ATP13A5: variants seen among roughly 807,000 people sequenced by gnomAD.
ATP13A5 encodes the protein probable cation-transporting ATPase 13A5.
Under a neutral mutation model 150.2 loss-of-function variants are expected in ATP13A5, and 149 were observed. The observed-to-expected ratio is 0.99, with a 90% CI of 0.87 to 1.14. ATP13A5 has a LOEUF of 1.14. Among genes scored for constraint, ATP13A5 ranks in the 50% most tolerant of loss-of-function variants. ATP13A5 has a pLI of 0.00. For synonymous variants in ATP13A5, 497 were observed against 522.2 expected, an observed-to-expected ratio of 0.95 and a Z score of 0.66; for missense variants, 1,383 against 1,449.3, an observed-to-expected ratio of 0.95 and a Z score of 0.74.
chr3:193,293,381 C>T (rs1718042556), intron 25 of ATP13A5, among the ~76,000 whole-genome samples: 1 of 152,092 alleles, frequency 6.6e-6, no homozygotes, highest in Admixed American at 6.6e-5. Context: ...CAAAATTAAT[C>T]ATTCTCCCTT....
intron 24 of ATP13A5, 67 bp from the exon 25 acceptor site, chr3:193,299,270 C>T: frequency 3.8e-6 from 5 of 1,309,580 alleles, no homozygotes; most frequent in Non-Finnish European, 5.4e-6. Context: ...TTATTCCCTA[C>T]ACTCTTTTTA....
chr3:193,279,329 A>G (rs1262710976), intron 28 of ATP13A5, 37 bp downstream of exon 28: 1 of 1,470,510 alleles, frequency 6.8e-7, no homozygotes, highest in Non-Finnish European at 9.5e-7. Context: ...GTCCATGTAC[A>G]TGAGTCATGC....
Position 193,274,848 on chromosome 3 carries a change from TCTCATTGGTAAAG to T in ATP13A5, c.*181_*193del. 1.5e-6 allele frequency: 1 copy of T among 686,304 alleles called. No individual in the cohort carries two copies. The highest frequency in any genetic ancestry group is 2.7e-5 in the East Asian group (1 of 37,294). 42.5% of individuals were successfully genotyped at this position (686,304 alleles called of 1,614,324 possible). A position where few individuals can be genotyped will look rare whatever the true frequency, so the allele number is the denominator to read the frequency against. On this transcript the variant is annotated 3_prime_UTR_variant, in exon 30 of 30. Coordinates refer to ENST00000342358, the MANE Select transcript of ATP13A5 (RefSeq NM_198505.4). ...ATGATACAGGAAATGCATTTTTTTCTCTCATTGGTAAAGCATACAGTCAGAATAAGCCTATCTA... is the reference window on the plus strand; with the variant it reads ...ATGATACAGGAAATGCATTTTTTTCTCATACAGTCAGAATAAGCCTATCTA...
At chr3:193,330,194 C>T (rs150461551) in intron 12 of ATP13A5, among the ~76,000 whole-genome samples, 9 of 152,266 alleles carry the variant, frequency 5.9e-5, no homozygotes, top group Admixed American at 2.0e-4. Context: ...GGCCTCCAAC[C>T]GTGGCAGGTA....
chr3:193,336,051 G>A (rs569302944), intron 9 of ATP13A5, among the ~76,000 whole-genome samples: 1 of 152,182 alleles, frequency 6.6e-6, no homozygotes, highest in African/African-American at 2.4e-5. Context: ...TTTACTAAAT[G>A]TTCAATTAGC....
At chr3:193,364,630 T>G (rs1713173807) in intron 1 of ATP13A5, among the ~76,000 whole-genome samples, 1 of 152,104 alleles carries the variant, frequency 6.6e-6, no homozygotes, top group African/African-American at 2.4e-5. Context: ...TTAAACATTG[T>G]TATGTTTAAA....
intron 12 of ATP13A5, 82 bp downstream of exon 12, chr3:193,331,041 G>T: frequency 1.4e-6 from 2 of 1,408,596 alleles, no homozygotes; most frequent in South Asian, 1.3e-5. Flanking sequence ...GGGAACACTG[G>T]ACTAGACATT....
chr3:193,335,238 T>C, intron 9 of ATP13A5, 139 bp from the exon 10 acceptor site: 1 of 705,888 alleles, frequency 1.4e-6, no homozygotes, highest in Non-Finnish European at 2.4e-6. Context: ...TGACTGTTCA[T>C]AGAGATGCTG....
chr3:193,357,343 T>C (rs1398074920), intron 5 of ATP13A5, among the ~76,000 whole-genome samples: 1 of 152,160 alleles, frequency 6.6e-6, no homozygotes, highest in Non-Finnish European at 1.5e-5. Context: ...GGGATCCAGT[T>C]GATCAATATT....
chr3:193,319,310 G>T (rs188105718), intron 16 of ATP13A5, among the ~76,000 whole-genome samples: 2 of 152,178 alleles, frequency 1.3e-5, no homozygotes, highest in South Asian at 2.1e-4. Flanking sequence ...TGTCAAAGCC[G>T]TGCTGGTCAT....
intron 17 of ATP13A5, among the ~76,000 whole-genome samples, chr3:193,316,875 A>G (rs534223696): frequency 1.3e-5 from 2 of 152,298 alleles, no homozygotes; most frequent in African/African-American, 4.8e-5. Flanking sequence ...GTAAAAATCA[A>G]CTCAAAATGG....
chr3:193,275,239 T>G lies in ATP13A5; in HGVS notation c.3460A>C (p.Lys1154Gln), dbSNP rs142600681. The G allele has an allele frequency of 1.2e-6, 2 of 1,614,070 alleles. No individual in the cohort carries two copies. Among genetic ancestry groups the G allele is most frequent in the African/African-American group, 2.7e-5 (2 of 74,936 alleles). Residue 1154 changes from lysine (K) to glutamine (Q), a missense_variant, in exon 30 of 30, where the codon AAA (lysine) becomes CAA (glutamine). Lys to Gln is a moderately conservative substitution (Grantham distance 53). This residue lies in a region of ATP13A5 where 568 missense variants were observed against 621.5 expected (regional missense o/e 0.91). Coordinates refer to ENST00000342358, the MANE Select transcript of ATP13A5 (RefSeq NM_198505.4). The part of the protein sequence containing the change: ...LIKREFGFYS[K>Q]SQYRTWQKKL... ...TTTTGCCAAGTCCTATATTGACTTT[T>G]AGAGTAGAATCCAAATTCTCTTTTG...
At chr3:193,280,955 A>G (rs1232249017) in intron 27 of ATP13A5, among the ~76,000 whole-genome samples, 2 of 152,190 alleles carry the variant, frequency 1.3e-5, no homozygotes, top group Admixed American at 6.5e-5. Context: ...AGCAGGCTCT[A>G]TTTTTGAAGT....
Position 193,305,609 on chromosome 3 carries a change from G to C in ATP13A5, c.2628C>G (p.Ser876=). The C allele has an allele frequency of 6.2e-7, 1 of 1,613,958 alleles. No individual in the cohort carries two copies. The highest frequency in any genetic ancestry group is 8.5e-7 in the Non-Finnish European group (1 of 1,179,888). Residue 876 remains serine (S), a synonymous_variant, in exon 23 of 30, where the codon TCC becomes TCG. Transcript: ENST00000342358. ...TGTTGGTTGTTTTAGAGGTAAAAGG[G>C]GATGCCACAGATGCTTCCTGCTCTG... ...SLSEQEASVA[S]PFTSKTTNIQ...
At chr3:193,283,133 A>G (rs954322430) in intron 27 of ATP13A5, among the ~76,000 whole-genome samples, 18 of 152,220 alleles carry the variant, frequency 1.2e-4, no homozygotes, top group Admixed American at 1.2e-3. Context: ...ATATGAAGAT[A>G]GGATGAAGGT....
At chr3:193,349,798 A>G (rs1712493556) in intron 7 of ATP13A5, among the ~76,000 whole-genome samples, 1 of 152,128 alleles carries the variant, frequency 6.6e-6, no homozygotes. Context: ...TGTGTTTCTG[A>G]TTTAAAAAAA....
At chr3:193,321,958 C>G in intron 15 of ATP13A5, 121 bp from the exon 16 acceptor site, 2 of 1,157,636 alleles carry the variant, frequency 1.7e-6, no homozygotes, top group Non-Finnish European at 2.4e-6. Context: ...GTATATTTGT[C>G]ACAACATTGA....
chr3:193,287,497 T>C (rs1175995476), intron 26 of ATP13A5, among the ~76,000 whole-genome samples: 1 of 152,146 alleles, frequency 6.6e-6, no homozygotes, highest in Non-Finnish European at 1.5e-5. Context: ...TTGCCTGTGC[T>C]CTAGAAATGG....
chr3:193,288,237 G>C (rs1285507616), intron 26 of ATP13A5, among the ~76,000 whole-genome samples: 1 of 152,112 alleles, frequency 6.6e-6, no homozygotes, highest in Non-Finnish European at 1.5e-5. Flanking sequence ...GCATCAGCAG[G>C]GTTTGCGAGA....
Sources: allele counts gnomAD v4.1 joint callset (sites outside exome capture counted in the v4.1 genomes callset), GRCh38; gene constraint gnomAD v4.1.1; regional missense constraint gnomAD v4.1.1; transcripts MANE v1.5; gene names NCBI Gene and HGNC (gene_info 2026-07-23, HGNC 2026-07-21).